The following PTPRD variants were observed in gnomAD, a reference collection of about 807,000 sequenced individuals.
The protein encoded by PTPRD is receptor-type tyrosine-protein phosphatase delta.
In PTPRD, 34 loss-of-function variants were observed where a neutral mutation model predicts 214.5. The observed-to-expected ratio is 0.16, with a 90% confidence interval of 0.12 to 0.21. The LOEUF is 0.21. Ranked by LOEUF, PTPRD falls within the 10% of genes least tolerant of loss-of-function variation. The probability of loss-of-function intolerance (pLI) is 1.00; values close to 1 mark genes in which losing one functional copy is unlikely to be tolerated. For missense variants in PTPRD, 2,545 were observed against 2,398.7 expected (o/e 1.06, Z -1.27); for synonymous variants, 1,128 against 845.7 (o/e 1.33, Z -5.79).
At chr9:9,566,810 C>T (rs2084687053) in intron 8 of PTPRD, among the ~76,000 whole-genome samples, 1 of 152,008 alleles carries the variant, frequency 6.6e-6, no homozygotes, top group Non-Finnish European at 1.5e-5. Context: ...TTCGGCCTAT[C>T]TTACTTTCTT....
At chr9:9,775,669 T>C (rs955329635) in intron 5 of PTPRD, among the ~76,000 whole-genome samples, 10 of 152,218 alleles carry the variant, frequency 6.6e-5, no homozygotes, top group African/African-American at 2.2e-4. Flanking sequence ...CTTGGCTGGT[T>C]GCGGTGGCTC....
At chr9:8,720,347 G>A (rs1056358039) in intron 12 of PTPRD, among the ~76,000 whole-genome samples, 15 of 152,220 alleles carry the variant, frequency 9.9e-5, no homozygotes, top group Admixed American at 9.8e-4. Context: ...GGCTGCTGAA[G>A]GGCCAGGCCC....
chr9:9,051,643 A>G (rs1243407277), intron 10 of PTPRD, among the ~76,000 whole-genome samples: 1 of 151,616 alleles, frequency 6.6e-6, no homozygotes, highest in Non-Finnish European at 1.5e-5. Flanking sequence ...GCATTTTTGC[A>G]GGTATAAAAT....
chr9:10,409,849 C>T (rs1376074811), intron 2 of PTPRD, among the ~76,000 whole-genome samples: 1 of 151,648 alleles, frequency 6.6e-6, no homozygotes, highest in African/African-American at 2.4e-5. Context: ...ACAATACCAG[C>T]CATGTGAGTG....
At chr9:9,949,612 G>T (rs540461826) in intron 4 of PTPRD, among the ~76,000 whole-genome samples, 1 of 152,198 alleles carries the variant, frequency 6.6e-6, no homozygotes, top group Non-Finnish European at 1.5e-5. Flanking sequence ...CTACATCCAG[G>T]CTCCTAGTCC....
At chr9:9,002,026 G>C (rs138297476) in intron 11 of PTPRD, among the ~76,000 whole-genome samples, 128 of 151,204 alleles carry the variant, frequency 8.5e-4, no homozygotes, top group Non-Finnish European at 1.6e-3. Context: ...GGGGTGTTGG[G>C]AGTTCAAGCC....
chr9:10,097,722 C>T (rs1198442311), intron 3 of PTPRD, among the ~76,000 whole-genome samples: 1 of 151,774 alleles, frequency 6.6e-6, no homozygotes, highest in East Asian at 2.0e-4. Context: ...TAATTGAATG[C>T]CCTTTATTTC....
intron 9 of PTPRD, among the ~76,000 whole-genome samples, chr9:9,356,557 C>T (rs896638500): frequency 6.6e-6 from 1 of 151,336 alleles, no homozygotes; most frequent in Admixed American, 6.6e-5. Flanking sequence ...TTTAAGATGT[C>T]ATTTTCTCCA....
intron 4 of PTPRD, among the ~76,000 whole-genome samples, chr9:9,943,627 T>C (rs1377980653): frequency 1.5e-5 from 2 of 136,312 alleles, no homozygotes; most frequent in Non-Finnish European, 3.0e-5. Flanking sequence ...GGCTGTTAGA[T>C]GGCGATATTT....
chr9:8,971,475 G>A (rs1383612146), intron 11 of PTPRD, among the ~76,000 whole-genome samples: 1 of 151,644 alleles, frequency 6.6e-6, no homozygotes, highest in Non-Finnish European at 1.5e-5. Context: ...CTGTGAGATG[G>A]GAAGGACAGT....
intron 9 of PTPRD, among the ~76,000 whole-genome samples, chr9:9,231,695 T>C (rs2099963203): frequency 6.6e-6 from 1 of 152,282 alleles, no homozygotes; most frequent in African/African-American, 2.4e-5. Flanking sequence ...AGTAACACAC[T>C]TGAGATTTAA....
rs181584350 is a variant in PTPRD at position 10,177,515 on chromosome 9, T to G, written c.-544-143725A>C. 6.0e-5 allele frequency among the ~76,000 whole-genome samples: 9 copies of G among 149,746 alleles called. No homozygotes were observed. In the South Asian group the frequency reaches 1.7e-3, roughly 28 times the overall value. On this transcript the variant is annotated intron_variant, in intron 3 of 45. Transcript: ENST00000381196. ...TGGAAAGAACACACTGGTGGCAGTA[T>G]AGAAAACAAATGGAAAGATAGGCGG... is the stretch of plus-strand genomic sequence containing the variant.
At chr9:8,889,463 A>T (rs1022946936) in intron 11 of PTPRD, among the ~76,000 whole-genome samples, 8 of 152,116 alleles carry the variant, frequency 5.3e-5, no homozygotes, top group Admixed American at 3.9e-4. Context: ...TATATTTAAA[A>T]TTTTTTATTT....
intron 3 of PTPRD, among the ~76,000 whole-genome samples, chr9:10,322,922 A>T (rs2096577385): frequency 1.3e-5 from 2 of 152,024 alleles, no homozygotes. Flanking sequence ...AATAAAACCA[A>T]TTCTAATGTA....
intron 10 of PTPRD, among the ~76,000 whole-genome samples, chr9:9,140,151 C>A (rs891005191): frequency 2.7e-5 from 4 of 150,234 alleles, no homozygotes; most frequent in African/African-American, 9.8e-5. Flanking sequence ...AAGAAAAAGT[C>A]CCTTCATAGG....
chr9:8,337,163 G>T (rs932363240), intron 43 of PTPRD, among the ~76,000 whole-genome samples: 3 of 152,102 alleles, frequency 2.0e-5, no homozygotes, highest in African/African-American at 7.2e-5. Context: ...GTTTATTGTG[G>T]CACTATTCAC....
chr9:8,449,520 TCTTC>T (rs1406843935), intron 34 of PTPRD, among the ~76,000 whole-genome samples: 1 of 152,240 alleles, frequency 6.6e-6, no homozygotes. Context: ...TATTTCTTTT[TCTTC>T]CCTACCCAAT....
intron 11 of PTPRD, among the ~76,000 whole-genome samples, chr9:8,905,513 C>T (rs978211574): frequency 1.8e-4 from 27 of 151,624 alleles, no homozygotes; most frequent in Non-Finnish European, 3.1e-4. Flanking sequence ...TTGAGGCGGG[C>T]GGATTACCTG....
intron 2 of PTPRD, among the ~76,000 whole-genome samples, chr9:10,341,636 C>G (rs1048531933): frequency 1.3e-5 from 2 of 151,920 alleles, no homozygotes; most frequent in African/African-American, 4.8e-5. Flanking sequence ...AGAAATGAAA[C>G]ATGTGGCTTT....
Sources: allele counts gnomAD v4.1 joint callset (sites outside exome capture counted in the v4.1 genomes callset), GRCh38; gene constraint gnomAD v4.1.1; transcripts MANE v1.5; gene names NCBI Gene and HGNC (gene_info 2026-07-23, HGNC 2026-07-21).